The following GCSAML variants were observed in gnomAD, a reference collection of about 807,000 sequenced individuals.
GCSAML encodes germinal center-associated signaling and motility-like protein.
A neutral mutation model predicts 13.0 loss-of-function variants in GCSAML; 9 were observed. That is an observed-to-expected ratio of 0.69 (90% CI 0.42 to 1.21). GCSAML has a LOEUF of 1.21. Ranked by LOEUF, GCSAML falls within the 50% of genes most tolerant of loss-of-function variation. The pLI is 0.00. For missense variants in GCSAML, 143 were observed against 153.4 expected (o/e 0.93, Z 0.36); for synonymous variants, 37 against 52.9 (o/e 0.70, Z 1.31).
chr1:247,525,996 C>T (rs1208729197), intron 1 of GCSAML: 1 of 152,112 alleles, frequency 6.6e-6, no homozygotes, highest in Non-Finnish European at 1.5e-5. Flanking sequence ...ATTTTTTATT[C>T]TAAAATTTAT....
intron 1 of GCSAML, chr1:247,518,467 C>A (rs1036721083): frequency 6.6e-6 from 1 of 152,468 alleles, no homozygotes; most frequent in Non-Finnish European, 1.5e-5. Context: ...ACGGTGACGC[C>A]GTCTGCACTA....
chr1:247,549,210 C>G lies in GCSAML; in HGVS notation c.19C>G (p.Arg7Gly). MGNYLLRKLSCLGENQK... is the reference protein window; with the variant it reads MGNYLLGKLSCLGENQK... The stretch of plus-strand genomic sequence containing the variant: ...TGAAAAGATGGGAAATTATCTCCTG[C>G]GAAAACTCAGGTGAGTCTTGACTCT... Residue 7 changes from arginine (R) to glycine (G), a missense_variant, in exon 1 of 5, where the codon CGA (arginine) becomes GGA (glycine). Transcript: ENST00000366488. The G allele has an allele frequency of 3.1e-6, 5 of 1,613,858 alleles. No individual in the cohort carries two copies. Among genetic ancestry groups the G allele is most frequent in the Non-Finnish European group, 4.2e-6 (5 of 1,179,784 alleles).
chr1:247,518,348 AG>A (rs533592199), intron 1 of GCSAML: 2 of 152,358 alleles, frequency 1.3e-5, no homozygotes, highest in Non-Finnish European at 2.9e-5. Context: ...CGGCCACCCC[AG>A]CCGCCCTGGC....
chr1:247,531,221 A>T (rs1373463758), intron 2 of GCSAML: 1 of 294,386 alleles, frequency 3.4e-6, no homozygotes, highest in Non-Finnish European at 6.4e-6. Flanking sequence ...GTCAAAGTTT[A>T]TTATCCACGG....
chr1:247,556,518 C>A, intron 2 of GCSAML, 52 bp downstream of exon 2: 1 of 1,305,512 alleles, frequency 7.7e-7, no homozygotes, highest in Non-Finnish European at 1.1e-6. Flanking sequence ...TTTGTTTTTT[C>A]ATTGAGATTA....
At chr1:247,513,423 G>A (rs947012679) in intron 1 of GCSAML, among the ~76,000 whole-genome samples, 2 of 152,250 alleles carry the variant, frequency 1.3e-5, no homozygotes, top group Non-Finnish European at 2.9e-5. Context: ...TTTCAAGCCA[G>A]TGGATCTTAG....
chr1:247,514,434 TCTG>T (rs1337391474), intron 1 of GCSAML, among the ~76,000 whole-genome samples: 3 of 152,252 alleles, frequency 2.0e-5, no homozygotes, highest in South Asian at 2.1e-4. Context: ...GTCTGTTAAC[TCTG>T]CTATTTCTTT....
chr1:247,529,819 C>A (rs1224562568), intron 2 of GCSAML: 3 of 148,962 alleles, frequency 2.0e-5, no homozygotes, highest in Non-Finnish European at 4.4e-5. Context: ...GGGTCTCATC[C>A]CATCAGTTGA....
At chr1:247,513,713 C>A (rs1387064739) in intron 1 of GCSAML, among the ~76,000 whole-genome samples, 5 of 152,194 alleles carry the variant, frequency 3.3e-5, no homozygotes, top group Non-Finnish European at 7.3e-5. Context: ...GGCTGCAGTG[C>A]ACCATTCCTC....
intron 2 of GCSAML, chr1:247,536,117 C>G (rs1253170602): frequency 6.6e-6 from 1 of 151,970 alleles, no homozygotes; most frequent in Non-Finnish European, 1.5e-5. Context: ...TCTTAAATAC[C>G]ATAAACAACA....
chr1:247,532,639 T>A, intron 2 of GCSAML: 1 of 933,656 alleles, frequency 1.1e-6, no homozygotes, highest in East Asian at 2.6e-5. Context: ...TATGTTATTC[T>A]TTTTTAGAGA....
chr1:247,570,652 T>G (rs1181013193), intron 4 of GCSAML, among the ~76,000 whole-genome samples: 1 of 152,220 alleles, frequency 6.6e-6, no homozygotes, highest in Non-Finnish European at 1.5e-5. Context: ...TTAGGATAAG[T>G]GCTATTTCGT....
At chr1:247,556,041 C>G (rs1325270709) in intron 1 of GCSAML, among the ~76,000 whole-genome samples, 1 of 152,184 alleles carries the variant, frequency 6.6e-6, no homozygotes, top group Non-Finnish European at 1.5e-5. Flanking sequence ...TGTGTACAAG[C>G]AGATCATCTT....
chr1:247,532,156 A>G, intron 2 of GCSAML: 5 of 1,614,100 alleles, frequency 3.1e-6, no homozygotes, highest in Non-Finnish European at 4.2e-6. Flanking sequence ...GTCATAGGAC[A>G]TGGTGGCCAG....
chr1:247,549,657 G>A (rs1185020339), intron 1 of GCSAML, among the ~76,000 whole-genome samples: 1 of 152,032 alleles, frequency 6.6e-6, no homozygotes, highest in African/African-American at 2.4e-5. Context: ...TCTTCATGTG[G>A]GTGTAGAGCT....
chr1:247,528,909 A>T (rs946381121), intron 2 of GCSAML: 6 of 152,140 alleles, frequency 3.9e-5, no homozygotes, highest in African/African-American at 1.2e-4. Flanking sequence ...GCAGAGATGG[A>T]TCTTGGTGGT....
chr1:247,512,525 C>T (rs1666077776), intron 1 of GCSAML, among the ~76,000 whole-genome samples: 1 of 152,104 alleles, frequency 6.6e-6, no homozygotes, highest in Admixed American at 6.5e-5. Context: ...TTGTCAAACT[C>T]ATTCTCTGTC....
At chr1:247,523,788 A>G (rs1306138090) in intron 1 of GCSAML, among the ~76,000 whole-genome samples, 1 of 152,214 alleles carries the variant, frequency 6.6e-6, no homozygotes, top group Non-Finnish European at 1.5e-5. Context: ...TATACTATAC[A>G]TCAACAGCTA....
chr1:247,515,483 C>T (rs1432458032), intron 1 of GCSAML, among the ~76,000 whole-genome samples: 1 of 152,232 alleles, frequency 6.6e-6, no homozygotes, highest in Non-Finnish European at 1.5e-5. Flanking sequence ...GGTCCAACAG[C>T]TTCCTGTGTT....
Sources: allele counts gnomAD v4.1 joint callset (sites outside exome capture counted in the v4.1 genomes callset), GRCh38; gene constraint gnomAD v4.1.1; transcripts MANE v1.5; gene names NCBI Gene and HGNC (gene_info 2026-07-23, HGNC 2026-07-21).